Variants in SUGCT observed in about 807,000 individuals in gnomAD.
SUGCT encodes the protein succinyl-CoA:glutarate CoA-transferase.
SUGCT carries 41 observed loss-of-function variants against 55.0 expected under a neutral mutation model. That is an observed-to-expected ratio of 0.74 (90% CI 0.58 to 0.97). The LOEUF (loss-of-function observed/expected upper bound fraction) is 0.97, where lower values mean the gene tolerates loss of function less well. SUGCT is among the 50% of genes least tolerant of loss of function. The pLI, the probability that SUGCT is intolerant of heterozygous loss-of-function variation, is 0.00. For synonymous variants in SUGCT, 187 were observed against 200.4 expected, an observed-to-expected ratio of 0.93 and a Z score of 0.56; for missense variants, 568 against 547.8, an observed-to-expected ratio of 1.04 and a Z score of -0.37.
intron 12 of SUGCT, among the ~76,000 whole-genome samples, chr7:40,597,591 G>A (rs1798078677): frequency 6.6e-6 from 1 of 152,076 alleles, no homozygotes; most frequent in Non-Finnish European, 1.5e-5. Context: ...ACTAGATCTG[G>A]CCATGGTGCC....
rs372632544 is a variant in SUGCT at position 40,272,291 on chromosome 7, C to T, written c.577-2222C>T. On this transcript the variant is annotated intron_variant, in intron 7 of 13. Transcript: ENST00000335693. ...TCCTGCACTCAAGTGATCTTTGCAC[C>T]TCAGACTCCCAAGTAGCTGGTACTA... is the stretch of plus-strand genomic sequence containing the variant. Among the ~76,000 whole-genome samples, 92 of 148,712 alleles carry T rather than the reference C, an allele frequency of 6.2e-4. 2 individuals are homozygous for T. In the South Asian group the frequency reaches 0.019, roughly 31 times the overall value.
intron 13 of SUGCT, among the ~76,000 whole-genome samples, chr7:40,815,054 G>T (rs1441908232): frequency 2.0e-5 from 3 of 152,192 alleles, no homozygotes; most frequent in Non-Finnish European, 4.4e-5. Context: ...GTAAGAGCCA[G>T]CTGCAGCCAA....
At chr7:40,420,804 C>T (rs1787267082) in intron 9 of SUGCT, among the ~76,000 whole-genome samples, 1 of 151,680 alleles carries the variant, frequency 6.6e-6, no homozygotes, top group Non-Finnish European at 1.5e-5. Flanking sequence ...CACACACAGA[C>T]ACACACACAC....
intron 9 of SUGCT, among the ~76,000 whole-genome samples, chr7:40,430,901 G>A (rs903444453): frequency 2.6e-5 from 4 of 151,794 alleles, no homozygotes; most frequent in African/African-American, 4.8e-5. Context: ...CAGCACTGGA[G>A]GTCAGAAGTT....
At chr7:40,489,498 T>C (rs908594079) in intron 11 of SUGCT, among the ~76,000 whole-genome samples, 1 of 151,916 alleles carries the variant, frequency 6.6e-6, no homozygotes, top group Non-Finnish European at 1.5e-5. Flanking sequence ...CTGGACAATA[T>C]GGTGAAATCC....
intron 5 of SUGCT, among the ~76,000 whole-genome samples, chr7:40,193,013 C>T (rs982492316): frequency 2.0e-5 from 3 of 149,916 alleles, no homozygotes; most frequent in Admixed American, 1.3e-4. Flanking sequence ...GTTGCCCAGG[C>T]TGGAGTGCAG....
At chr7:40,403,439 G>A in intron 9 of SUGCT, among the ~76,000 whole-genome samples, 1 of 152,226 alleles carries the variant, frequency 6.6e-6, no homozygotes. Context: ...CACTTGCAGG[G>A]ACACTGAATT....
At chr7:41,015,591 G>T in the SUGCT span, among the ~76,000 whole-genome samples, 2 of 152,102 alleles carry the variant, frequency 1.3e-5, no homozygotes, top group Non-Finnish European at 2.9e-5. Context: ...GTAGAATGAG[G>T]TAGAAATGAA....
At chr7:40,365,666 G>T (rs1242666808) in intron 9 of SUGCT, among the ~76,000 whole-genome samples, 4 of 151,586 alleles carry the variant, frequency 2.6e-5, no homozygotes, top group Non-Finnish European at 1.5e-5. Context: ...ATTCACAATT[G>T]CTTCAAAGAG....
At chr7:40,182,722 A>G (rs1411564213) in intron 3 of SUGCT, among the ~76,000 whole-genome samples, 1 of 152,180 alleles carries the variant, frequency 6.6e-6, no homozygotes, top group Non-Finnish European at 1.5e-5. Flanking sequence ...CATAGTTTAT[A>G]AAGGAGAAAA....
chr7:40,689,583 A>G (rs1385038613), intron 12 of SUGCT, among the ~76,000 whole-genome samples: 1 of 152,150 alleles, frequency 6.6e-6, no homozygotes, highest in South Asian at 2.1e-4. Context: ...CCTTCACACT[A>G]TATGAAGGGC....
chr7:40,282,036 T>C (rs1267561118), intron 8 of SUGCT, among the ~76,000 whole-genome samples: 1 of 151,996 alleles, frequency 6.6e-6, no homozygotes, highest in Non-Finnish European at 1.5e-5. Flanking sequence ...GGCCAGGCTG[T>C]TCTCGAACTC....
At chr7:40,938,555 A>G in the SUGCT span, among the ~76,000 whole-genome samples, 2 of 152,012 alleles carry the variant, frequency 1.3e-5, no homozygotes, top group Non-Finnish European at 2.9e-5. Flanking sequence ...GGTTACATGA[A>G]TGAATTGTTT....
At chr7:40,485,688 A>G (rs967102750) in intron 11 of SUGCT, among the ~76,000 whole-genome samples, 1 of 152,126 alleles carries the variant, frequency 6.6e-6, no homozygotes, top group Non-Finnish European at 1.5e-5. Flanking sequence ...AAGTGCCAGA[A>G]TTACAGGCAT....
At chr7:40,389,959 G>C (rs1392732348) in intron 9 of SUGCT, among the ~76,000 whole-genome samples, 1 of 152,062 alleles carries the variant, frequency 6.6e-6, no homozygotes, top group Non-Finnish European at 1.5e-5. Context: ...CTTCATCCCT[G>C]GGATGCAAGG....
intron 12 of SUGCT, among the ~76,000 whole-genome samples, chr7:40,661,400 C>G (rs1485063440): frequency 6.6e-6 from 1 of 152,204 alleles, no homozygotes; most frequent in African/African-American, 2.4e-5. Flanking sequence ...TTTTTCCTCT[C>G]TGCCAGATCA....
At chr7:40,346,228 A>T (rs1043159383) in intron 9 of SUGCT, among the ~76,000 whole-genome samples, 1 of 152,166 alleles carries the variant, frequency 6.6e-6, no homozygotes, top group African/African-American at 2.4e-5. Flanking sequence ...TTTAAAAATT[A>T]TACAGGCTTT....
intron 12 of SUGCT, among the ~76,000 whole-genome samples, chr7:40,566,726 G>C (rs1796175448): frequency 6.6e-6 from 1 of 152,182 alleles, no homozygotes; most frequent in Non-Finnish European, 1.5e-5. Flanking sequence ...TGAGCAGGTT[G>C]TGGATGCTTT....
chr7:40,424,607 C>T (rs183715128), intron 9 of SUGCT, among the ~76,000 whole-genome samples: 46 of 152,106 alleles, frequency 3.0e-4, no homozygotes, highest in Admixed American at 1.3e-3. Context: ...AATTCGTAGC[C>T]GATGAAGTTG....
Sources: gnomAD v4.1 joint callset for allele counts (sites outside exome capture counted in the v4.1 genomes callset) on GRCh38, gnomAD v4.1.1 for gene constraint, MANE v1.5 for transcripts, NCBI Gene and HGNC (gene_info 2026-07-23, HGNC 2026-07-21) for gene names.